The following AGAP1 variants were observed in gnomAD, a reference collection of about 807,000 sequenced individuals.
The protein encoded by AGAP1 is ArfGAP with GTPase domain, ankyrin repeat and PH domain 1.
AGAP1 carries 29 observed loss-of-function variants against 105.3 expected under a neutral mutation model. That is an observed-to-expected ratio of 0.28 (90% CI 0.21 to 0.38). The LOEUF is 0.38. Among genes scored for constraint, AGAP1 ranks in the 10% least tolerant of loss-of-function variants. The pLI, the probability that AGAP1 is intolerant of heterozygous loss-of-function variation, is 1.00. For missense variants in AGAP1, 998 were observed against 1,165.1 expected (o/e 0.86, Z 2.09); for synonymous variants, 509 against 485.9 (o/e 1.05, Z -0.63).
At chr2:235,699,184 C>T (rs1422616028) in intron 1 of AGAP1, among the ~76,000 whole-genome samples, 1 of 152,080 alleles carries the variant, frequency 6.6e-6, no homozygotes, top group Non-Finnish European at 1.5e-5. Context: ...AGCTTTTCTC[C>T]TACTTTGGTG....
rs573955943 is a variant in AGAP1, at chr2:235,852,888, G to T, written c.1051-30457G>T. The T allele has an allele frequency of 6.0e-6, 8 of 1,340,224 alleles. No homozygotes were observed. In the African/African-American group the frequency reaches 7.3e-5, roughly 12 times the overall value. 83.0% of individuals were successfully genotyped at this position (1,340,224 alleles called of 1,614,324 possible). On this transcript the variant is annotated intron_variant, in intron 9 of 17. Transcript: ENST00000304032. Reference sequence around the variant, plus strand: ...TTAACATAGAGGTGAACTCCAGATCGGCCGATAGCTTGCAGGCCGCTGCTG... The same window carrying T: ...TTAACATAGAGGTGAACTCCAGATCTGCCGATAGCTTGCAGGCCGCTGCTG...
chr2:235,721,553 A>T lies in AGAP1; in HGVS notation c.310+3909A>T, dbSNP rs1951385926. 6.6e-6 allele frequency among the ~76,000 whole-genome samples: 1 copy of T among 152,020 alleles called. No individual in the cohort carries two copies. Among genetic ancestry groups the T allele is most frequent in the Non-Finnish European group, 1.5e-5 (1 of 67,994 alleles). On this transcript the variant is annotated intron_variant, in intron 3 of 17. Coordinates refer to ENST00000304032, the MANE Select transcript of AGAP1 (RefSeq NM_001037131.3). The surrounding 1 kb of genome is among the most constrained non-coding windows in gnomAD (Gnocchi z 4.5). ...ATGTGTACTTCAGTCCTAGCACTGT[A>T]GTAACGAACTGCCACACACAGTGTG...
At chr2:235,678,135 G>A (rs1419884628) in intron 1 of AGAP1, among the ~76,000 whole-genome samples, 2 of 152,088 alleles carry the variant, frequency 1.3e-5, no homozygotes, top group African/African-American at 2.4e-5. Context: ...AATGCAGCTC[G>A]TTGACAGCTC....
At chr2:236,015,612 G>A (rs2056670742) in intron 13 of AGAP1, among the ~76,000 whole-genome samples, 1 of 152,046 alleles carries the variant, frequency 6.6e-6, no homozygotes, top group Non-Finnish European at 1.5e-5. Flanking sequence ...TGCCAGGCAA[G>A]GGAAAACCAC....
At chr2:235,779,791 ATG>A (rs2149919489) in intron 6 of AGAP1, among the ~76,000 whole-genome samples, 1 of 152,314 alleles carries the variant, frequency 6.6e-6, no homozygotes, top group Non-Finnish European at 1.5e-5. Context: ...CATAAAGTGA[ATG>A]TGATAGGAAA....
At chr2:235,821,454 G>C (rs932686105) in intron 9 of AGAP1, among the ~76,000 whole-genome samples, 2 of 150,786 alleles carry the variant, frequency 1.3e-5, no homozygotes, top group African/African-American at 4.9e-5. Context: ...TGCGATCTTG[G>C]CTCACTGCAA....
chr2:235,760,619 T>G (rs904828102), intron 6 of AGAP1, among the ~76,000 whole-genome samples: 5 of 152,220 alleles, frequency 3.3e-5, no homozygotes, highest in Non-Finnish European at 7.3e-5. Flanking sequence ...AGGATCTCGA[T>G]CTGTCACACA....
In AGAP1 at chr2:235,919,653, C is replaced by A. The variant is rs758560122; in HGVS notation, c.1324+10747C>A. ...GGGGACTGTAAAATTCAGAGATGAC[C>A]GGGGAACGCTCCCCTCAAAACAGTG... On this transcript the variant is annotated intron_variant, in intron 11 of 17. Transcript: ENST00000304032. The surrounding 1 kb of genome is among the most constrained non-coding windows in gnomAD (Gnocchi z 4.1). 1.4e-4 allele frequency among the ~76,000 whole-genome samples: 21 copies of A among 151,984 alleles called. No homozygotes were observed. Among genetic ancestry groups the A allele is most frequent in the African/African-American group, 4.8e-4 (20 of 41,354 alleles).
chr2:235,666,075 G>A (rs1015895239), intron 1 of AGAP1, among the ~76,000 whole-genome samples: 3 of 152,134 alleles, frequency 2.0e-5, no homozygotes, highest in African/African-American at 7.2e-5. Flanking sequence ...GATGAATGGG[G>A]GTTAGCTAGG....
intron 1 of AGAP1, among the ~76,000 whole-genome samples, chr2:235,542,366 C>T (rs1256257257): frequency 6.6e-6 from 1 of 152,228 alleles, no homozygotes; most frequent in African/African-American, 2.4e-5. Flanking sequence ...ATTGAATCCT[C>T]AGATGAAAAG....
intron 1 of AGAP1, among the ~76,000 whole-genome samples, chr2:235,667,574 G>C (rs1948167192): frequency 6.6e-6 from 1 of 152,262 alleles, no homozygotes; most frequent in South Asian, 2.1e-4. Context: ...TCCCTAACCA[G>C]ATGGGCGCTA....
chr2:235,832,247 A>G (rs1457367183), intron 9 of AGAP1, among the ~76,000 whole-genome samples: 1 of 152,130 alleles, frequency 6.6e-6, no homozygotes. Context: ...ATTTTCTCCC[A>G]GTCTGTAGCT....
At chr2:235,897,719 C>T (rs1019861562) in intron 10 of AGAP1, among the ~76,000 whole-genome samples, 7 of 152,108 alleles carry the variant, frequency 4.6e-5, no homozygotes, top group South Asian at 2.1e-4. Context: ...AAGTCACAGC[C>T]GAGGACTCAG....
At chr2:236,037,879 A>G (rs1039932067) in intron 14 of AGAP1, among the ~76,000 whole-genome samples, 9 of 152,220 alleles carry the variant, frequency 5.9e-5, no homozygotes, top group Admixed American at 4.6e-4. Flanking sequence ...ATGATCAACT[A>G]GAAACTAAGA....
In AGAP1 at chr2:235,750,747, T is replaced by C. The variant is rs2149712724; in HGVS notation, c.673+259T>C. 6.6e-6 allele frequency among the ~76,000 whole-genome samples: 1 copy of C among 152,344 alleles called. No individual in the cohort carries two copies. The highest frequency in any genetic ancestry group is 2.1e-4 in the South Asian group (1 of 4,828). On this transcript the variant is annotated intron_variant, in intron 6 of 17. Transcript: ENST00000304032. This position sits in a 1 kb window ranked among gnomAD's most constrained non-coding sequence, Gnocchi z 5.3. ...TCTGTGTGTCTCCTATGGGGCCTTT[T>C]TGTGTACAGGATAGAACATTTCTTG...
Position 235,740,917 on chromosome 2 carries a change from A to C in AGAP1, c.311-46A>C. ...AAGCCCACGTCTGTCTGCCCTCCTCACTCTCTGTTGTTCTCGTGTAACGAG... is the reference window on the plus strand; with the variant it reads ...AAGCCCACGTCTGTCTGCCCTCCTCCCTCTCTGTTGTTCTCGTGTAACGAG... On this transcript the variant is annotated intron_variant, in intron 3 of 17. Transcript: ENST00000304032. This position sits in a 1 kb window ranked among gnomAD's most constrained non-coding sequence, Gnocchi z 5.7. 1 of 1,611,032 alleles carries C rather than the reference A, an allele frequency of 6.2e-7. No individual in the cohort carries two copies. The highest frequency in any genetic ancestry group is 1.1e-5 in the South Asian group (1 of 90,732).
At chr2:235,974,510 G>A (rs925615212) in intron 13 of AGAP1, among the ~76,000 whole-genome samples, 1 of 152,244 alleles carries the variant, frequency 6.6e-6, no homozygotes, top group African/African-American at 2.4e-5. Flanking sequence ...GAAGGTCTCA[G>A]AAGGGAATTT....
chr2:235,643,680 G>A (rs1001744589), intron 1 of AGAP1, among the ~76,000 whole-genome samples: 1 of 151,756 alleles, frequency 6.6e-6, no homozygotes, highest in African/African-American at 2.4e-5. Flanking sequence ...TCCATCTGCA[G>A]GGGCCAAGTG....
chr2:235,722,430 G>A (rs911427547), intron 3 of AGAP1, among the ~76,000 whole-genome samples: 1 of 151,278 alleles, frequency 6.6e-6, no homozygotes, highest in Non-Finnish European at 1.5e-5. Context: ...TTATGTAGAT[G>A]GCTGGGAGGG....
Sources: gnomAD v4.1 joint callset for allele counts (sites outside exome capture counted in the v4.1 genomes callset) on GRCh38, gnomAD v4.1.1 for gene constraint, Gnocchi (gnomAD v3.1) non-coding constraint, MANE v1.5 for transcripts, NCBI Gene and HGNC (gene_info 2026-07-23, HGNC 2026-07-21) for gene names.